The following RCVRN variants were observed in gnomAD, a reference collection of about 807,000 sequenced individuals.
The protein encoded by RCVRN is recoverin.
A neutral mutation model predicts 20.4 loss-of-function variants in RCVRN; 23 were observed. That is an observed-to-expected ratio of 1.13 (90% CI 0.81 to 1.60). The LOEUF is 1.60. RCVRN is among the 40% of genes most tolerant of loss of function. The probability of loss-of-function intolerance (pLI) is 0.00; values close to 1 mark genes in which losing one functional copy is unlikely to be tolerated. For synonymous variants in RCVRN, 105 were observed against 105.9 expected (o/e 0.99, Z 0.05); for missense variants, 254 against 254.2 (o/e 1.00, Z 0.00).
At position 9,897,053 on chromosome 17, in the gene RCVRN, GAC is replaced by G; in HGVS notation, c.*1040_*1041del. On this transcript the variant is annotated 3_prime_UTR_variant, in exon 3 of 3. Coordinates refer to ENST00000226193, the MANE Select transcript of RCVRN (RefSeq NM_002903.3). ...CAAAAGCTTATTCATCGGGCTCCCT[GAC>G]TCCAGGGAGCCCCCAGTTGCTCCTC... 6.6e-6 allele frequency: 1 copy of G among 152,244 alleles called. No homozygotes were observed. The highest frequency in any genetic ancestry group is 2.4e-5 in the African/African-American group (1 of 41,424). 9.4% of individuals were successfully genotyped at this position (152,244 alleles called of 1,614,324 possible). A position where few individuals can be genotyped will look rare whatever the true frequency, so the allele number is the denominator to read the frequency against.
At chr17:9,901,537 G>A (rs145304495) in intron 1 of RCVRN, among the ~76,000 whole-genome samples, 2 of 152,304 alleles carry the variant, frequency 1.3e-5, no homozygotes, top group Non-Finnish European at 2.9e-5. Flanking sequence ...CGACAGCTTT[G>A]AGAAGTTTCC....
chr17:9,897,931 G>A lies in RCVRN; in HGVS notation c.*164C>T, dbSNP rs2067324600. ...CACTACAGATGCTTCAGTTTGGCAG[G>A]GAGCTGTGCTGTGGGCTTGTGTGCA... On this transcript the variant is annotated 3_prime_UTR_variant, in exon 3 of 3. Transcript: ENST00000226193. 6.5e-6 allele frequency: 4 copies of A among 614,354 alleles called. No homozygotes were observed. The South Asian group carries it at 7.6e-5, about 12-fold the overall frequency. 38.1% of individuals were successfully genotyped at this position (614,354 alleles called of 1,614,324 possible). A position where few individuals can be genotyped will look rare whatever the true frequency, so the allele number is the denominator to read the frequency against.
intron 2 of RCVRN, 28 bp downstream of exon 2, chr17:9,900,961 C>A: frequency 7.3e-7 from 1 of 1,376,952 alleles, no homozygotes; most frequent in South Asian, 1.2e-5. Flanking sequence ...GTTGAAAAAT[C>A]AAAGGCAATG....
chr17:9,897,981 G>GAT lies in RCVRN; in HGVS notation c.*112_*113dup. 3.3e-6 allele frequency: 2 copies of GAT among 610,238 alleles called. No homozygotes were observed. The highest frequency in any genetic ancestry group is 1.8e-5 in the South Asian group (1 of 54,464). The allele number at this position is 610,238 out of a possible 1,614,324, so 37.8% of individuals were successfully genotyped here. A position where few individuals can be genotyped will look rare whatever the true frequency, so the allele number is the denominator to read the frequency against. ...AGGCCTTTCTCTTGGCCCTGGGGTG[G>GAT]ATGTGTGTGTGTGTGTGTGCGCGCG... On this transcript the variant is annotated 3_prime_UTR_variant, in exon 3 of 3. Coordinates refer to ENST00000226193, the MANE Select transcript of RCVRN (RefSeq NM_002903.3).
At position 9,899,466 on chromosome 17, in the gene RCVRN, C is replaced by T. The variant is rs78621042; in HGVS notation, c.494-1262G>A. On this transcript the variant is annotated intron_variant, in intron 2 of 2. Transcript: ENST00000226193. The surrounding 1 kb of genome is among the most constrained non-coding windows in gnomAD (Gnocchi z 4.6). ...AACACGTCGACCTCGGGGCTTCTGA[C>T]GTCATCCCCTCCCGGGATGTTCACC... 3.0e-3 allele frequency among the ~76,000 whole-genome samples: 455 copies of T among 152,328 alleles called. 3 individuals carry two copies. The highest frequency in any genetic ancestry group is 0.011 in the African/African-American group (441 of 41,582).
intron 1 of RCVRN, among the ~76,000 whole-genome samples, chr17:9,901,694 C>T (rs912227363): frequency 1.4e-4 from 22 of 152,228 alleles, no homozygotes; most frequent in African/African-American, 5.3e-4. Flanking sequence ...GGGCCTTGGG[C>T]ACCATGTGCA....
rs2067339147 is a variant in RCVRN, at chr17:9,901,018, A to G, written c.464T>C (p.Ile155Thr). ...ATCATTCTTTCCAAAGTACTTCCAG[A>G]TCTTCTCGGCTCGCTTTTCCGGCGT... is the stretch of plus-strand genomic sequence containing the variant. ...ENTPEKRAEK[I>T]WKYFGKNDDD... Residue 155 changes from isoleucine (I) to threonine (T), a missense_variant, in exon 2 of 3, where the codon ATC becomes ACC. Physicochemically the swap from Ile to Thr is moderately conservative, Grantham distance 89 (BLOSUM62 -1). Coordinates refer to ENST00000226193, the MANE Select transcript of RCVRN (RefSeq NM_002903.3). 6.2e-7 allele frequency: 1 copy of G among 1,608,714 alleles called. No homozygotes were observed. Among genetic ancestry groups the G allele is most frequent in the Non-Finnish European group, 8.5e-7 (1 of 1,175,732 alleles).
intron 2 of RCVRN, among the ~76,000 whole-genome samples, chr17:9,900,520 C>CTAACCTTCCTTT (rs2067337014): frequency 4.6e-5 from 7 of 152,026 alleles, no homozygotes; most frequent in Admixed American, 1.3e-4. Context: ...CCTTTCTTTC[C>CTAACCTTCCTTT]CTCTCTCCCT....
chr17:9,898,019 T>C lies in RCVRN; in HGVS notation c.*76A>G, dbSNP rs1227410783. ...GTGTGTGCGCGCGCGTGTGTGTGCA[T>C]GTGTGTGTGTGTGCACAGGCGCTCA... On this transcript the variant is annotated 3_prime_UTR_variant, in exon 3 of 3. Coordinates refer to ENST00000226193, the MANE Select transcript of RCVRN (RefSeq NM_002903.3). 1 of 800,856 alleles carries C rather than the reference T, an allele frequency of 1.2e-6. No individual in the cohort carries two copies. Among genetic ancestry groups the C allele is most frequent in the South Asian group, 1.5e-5 (1 of 68,408 alleles). The allele number at this position is 800,856 out of a possible 1,614,324, so 49.6% of individuals were successfully genotyped here.
At chr17:9,898,227 T>G (rs547615771) in intron 2 of RCVRN, 23 bp from the exon 3 acceptor site, 1 of 1,443,682 alleles carries the variant, frequency 6.9e-7, no homozygotes, top group African/African-American at 1.4e-5. Flanking sequence ...AAAAAATATA[T>G]ACGTACATAA....
chr17:9,901,046 T>C lies in RCVRN; in HGVS notation c.436A>G (p.Asn146Asp). The change falls in exon 2 of 3, where the codon AAC (asparagine) becomes GAC (aspartate). Residue 146 changes from asparagine (N) to aspartate (D), a missense_variant. Coordinates refer to ENST00000226193, the MANE Select transcript of RCVRN (RefSeq NM_002903.3). ...EDVKLLPDDENTPEKRAEKIW... is the reference protein window; with the variant it reads ...EDVKLLPDDEDTPEKRAEKIW... ...TTCTCGGCTCGCTTTTCCGGCGTGT[T>C]TTCATCGTCTGGAAGGAGCTTCACG... The C allele has an allele frequency of 6.2e-7, 1 of 1,610,828 alleles. No homozygotes were observed. Among genetic ancestry groups the C allele is most frequent in the Non-Finnish European group, 8.5e-7 (1 of 1,177,340 alleles).
Position 9,905,201 on chromosome 17 carries a change from C to T in RCVRN, c.-21G>A, listed in dbSNP as rs867381434. Reference sequence around the variant, plus strand: ...CCCATGAGTGAGGAAGAGTGGGCAGCGGCTGGGGAGTCGCTGGGTGGGTGG... The same window carrying T: ...CCCATGAGTGAGGAAGAGTGGGCAGTGGCTGGGGAGTCGCTGGGTGGGTGG... On this transcript the variant is annotated 5_prime_UTR_variant, in exon 1 of 3. Coordinates refer to ENST00000226193, the MANE Select transcript of RCVRN (RefSeq NM_002903.3). 5 of 1,575,036 alleles carry T rather than the reference C, an allele frequency of 3.2e-6. No homozygotes were observed. The highest frequency in any genetic ancestry group is 2.3e-5 in the East Asian group (1 of 43,800).
intron 2 of RCVRN, among the ~76,000 whole-genome samples, chr17:9,900,315 T>A (rs1208523010): frequency 6.6e-6 from 1 of 152,136 alleles, no homozygotes; most frequent in Non-Finnish European, 1.5e-5. Flanking sequence ...AGTCCATCAC[T>A]GCCTACAGTG....
At position 9,898,017 on chromosome 17, in the gene RCVRN, CAT is replaced by C. The variant is rs1491233171; in HGVS notation, c.*76_*77del. The C allele has an allele frequency of 2.7e-5, 23 of 867,366 alleles. No homozygotes were observed. In the East Asian group the frequency reaches 2.9e-4, roughly 11 times the overall value. The allele number at this position is 867,366 out of a possible 1,614,324, so 53.7% of individuals were successfully genotyped here. On this transcript the variant is annotated 3_prime_UTR_variant, in exon 3 of 3. Transcript: ENST00000226193. ...GTGTGTGTGCGCGCGCGTGTGTGTG[CAT>C]GTGTGTGTGTGTGCACAGGCGCTCA...
intron 1 of RCVRN, among the ~76,000 whole-genome samples, chr17:9,902,329 G>A (rs1250195340): frequency 6.6e-6 from 1 of 152,124 alleles, no homozygotes; most frequent in African/African-American, 2.4e-5. Context: ...CAGAATGGGA[G>A]GCCCGAGCTG....
chr17:9,902,206 C>T (rs2067344531), intron 1 of RCVRN, among the ~76,000 whole-genome samples: 1 of 151,932 alleles, frequency 6.6e-6, no homozygotes, highest in African/African-American at 2.4e-5. Flanking sequence ...ATTGTTTATG[C>T]CACTCTGAAG....
At chr17:9,898,860 C>G (rs1431582486) in intron 2 of RCVRN, among the ~76,000 whole-genome samples, 8 of 152,194 alleles carry the variant, frequency 5.3e-5, no homozygotes, top group Non-Finnish European at 1.5e-5. Context: ...TCTCATCTGC[C>G]TCCTTATTTG....
At chr17:9,900,922 T>C (rs1597415108) in intron 2 of RCVRN, 67 bp downstream of exon 2, 2 of 963,414 alleles carry the variant, frequency 2.1e-6, no homozygotes, top group East Asian at 2.4e-5. Flanking sequence ...AGAATAAATC[T>C]TGTTGGGATT....
intron 1 of RCVRN, among the ~76,000 whole-genome samples, chr17:9,901,607 C>G (rs1277554177): frequency 6.6e-6 from 1 of 152,178 alleles, no homozygotes; most frequent in Non-Finnish European, 1.5e-5. Flanking sequence ...CCCAGGGCAG[C>G]AGCGTCGCTG....
Sources: allele counts gnomAD v4.1 joint callset (sites outside exome capture counted in the v4.1 genomes callset), GRCh38; gene constraint gnomAD v4.1.1; non-coding constraint Gnocchi (gnomAD v3.1); transcripts MANE v1.5; gene names NCBI Gene and HGNC (gene_info 2026-07-23, HGNC 2026-07-21).